ZNF114: variants seen among roughly 807,000 people sequenced by gnomAD.
The protein encoded by ZNF114 is zinc finger protein 114 (Y18).
ZNF114 carries 8 observed loss-of-function variants against 6.8 expected under a neutral mutation model. The ratio of observed to expected loss-of-function variants is 1.18; its 90% CI spans 0.69 to 2.13. The LOEUF (loss-of-function observed/expected upper bound fraction) is 2.13. ZNF114 is among the 30% of genes most tolerant of loss of function. The pLI is 0.00. For missense variants in ZNF114, 472 were observed against 519.5 expected (o/e 0.91, Z 0.89); for synonymous variants, 169 against 185.5 (o/e 0.91, Z 0.72).
chr19:48,275,326 C>G (rs1967799044), intron 3 of ZNF114, among the ~76,000 whole-genome samples: 1 of 151,556 alleles, frequency 6.6e-6, no homozygotes, highest in Non-Finnish European at 1.5e-5. Context: ...TGGCTTTAAT[C>G]CCAGCACTTT....
intron 3 of ZNF114, among the ~76,000 whole-genome samples, chr19:48,272,621 C>CTTTTTTTTTTTTTTTTG (rs1568989041): frequency 1.6e-5 from 2 of 124,836 alleles, no homozygotes; most frequent in African/African-American, 6.4e-5. Flanking sequence ...TTGCAGTGAG[C>CTTTTTTTTTTTTTTTTG]CGAGATCGTG....
chr19:48,285,075 G>C lies in ZNF114; in HGVS notation c.137-686G>C, dbSNP rs76246959. On this transcript the variant is annotated intron_variant, in intron 5 of 5. Transcript: ENST00000595607. Reference sequence around the variant, plus strand: ...TCAGTAACATGACACTCTCCATGTTGAACCCCTGACCTTACCGTCATCACA... The same window carrying C: ...TCAGTAACATGACACTCTCCATGTTCAACCCCTGACCTTACCGTCATCACA... Among the ~76,000 whole-genome samples, 15 of 152,288 alleles carry C rather than the reference G, an allele frequency of 9.8e-5. No individual in the cohort carries two copies. The East Asian group carries it at 2.7e-3, about 27-fold the overall frequency.
At chr19:48,284,784 C>A (rs966668818) in intron 5 of ZNF114, among the ~76,000 whole-genome samples, 1 of 152,108 alleles carries the variant, frequency 6.6e-6, no homozygotes, top group African/African-American at 2.4e-5. Context: ...TTTTTCCCTG[C>A]TAAAGGCCTG....
chr19:48,286,261 G>A lies in ZNF114; in HGVS notation c.637G>A (p.Glu213Lys). ...SQNTVHHIRD[E>K]IDTGANRHQR... ...GAACACTGTGCATCATATACGTGATGAAATTGATACGGGGGCCAACAGGCA... is the reference window on the plus strand; with the variant it reads ...GAACACTGTGCATCATATACGTGATAAAATTGATACGGGGGCCAACAGGCA... The change falls in exon 6 of 6, where the codon GAA (glutamate) becomes AAA (lysine). Residue 213 changes from glutamate (E) to lysine (K), a missense_variant. By Grantham distance (56) the Glu-to-Lys change is moderately conservative. Coordinates refer to ENST00000595607, the MANE Select transcript of ZNF114 (RefSeq NM_153608.4). 6.2e-7 allele frequency: 1 copy of A among 1,614,188 alleles called. No homozygotes were observed. The highest frequency in any genetic ancestry group is 8.5e-7 in the Non-Finnish European group (1 of 1,180,044).
chr19:48,274,878 C>G (rs900898850), intron 3 of ZNF114, among the ~76,000 whole-genome samples: 1 of 152,128 alleles, frequency 6.6e-6, no homozygotes, highest in Non-Finnish European at 1.5e-5. Flanking sequence ...CACCCTCGAA[C>G]TTGCCTCCCT....
At chr19:48,271,898 CT>C (rs1340025014) in intron 3 of ZNF114, 70 bp downstream of exon 3, 2 of 152,292 alleles carry the variant, frequency 1.3e-5, no homozygotes, top group Non-Finnish European at 2.9e-5. Flanking sequence ...GAGTTGCTGT[CT>C]GCAAAAGCCT....
chr19:48,272,673 CAAA>C (rs57823987), intron 3 of ZNF114, among the ~76,000 whole-genome samples: 1,067 of 39,136 alleles, frequency 0.027, 8 homozygotes, highest in Admixed American at 0.043. Flanking sequence ...GACTCTCTCT[CAAA>C]AAAAAAAAAA....
At chr19:48,273,773 TTTGAGACGGAGTCTCGCTCTGTCGC>T (rs1483627897) in intron 3 of ZNF114, among the ~76,000 whole-genome samples, 1 of 150,518 alleles carries the variant, frequency 6.6e-6, no homozygotes, top group African/African-American at 2.4e-5. Flanking sequence ...TTTTTTTTTT[TTTGAGACGGAGTCTCGCTCTGTCGC>T]CCAGGCTGGA....
At chr19:48,285,034 T>G (rs1188675487) in intron 5 of ZNF114, among the ~76,000 whole-genome samples, 1 of 152,196 alleles carries the variant, frequency 6.6e-6, no homozygotes, top group Non-Finnish European at 1.5e-5. Context: ...TTCCTTGATC[T>G]CTGCAGAACT....
intron 3 of ZNF114, among the ~76,000 whole-genome samples, chr19:48,275,747 C>T (rs140000012): frequency 0.015 from 2,350 of 152,168 alleles, 56 homozygotes; most frequent in African/African-American, 0.053. Context: ...GTAATCCCAG[C>T]CCTTTGGGAG....
Position 48,285,910 on chromosome 19 carries a change from G to C in ZNF114, c.286G>C (p.Glu96Gln). 6.2e-7 allele frequency: 1 copy of C among 1,614,138 alleles called. No individual in the cohort carries two copies. The change falls in exon 6 of 6, where the codon GAG becomes CAG. Residue 96 changes from glutamate to glutamine, a missense_variant. Coordinates refer to ENST00000595607, the MANE Select transcript of ZNF114 (RefSeq NM_153608.4). ...LREDWRCPKT[E>Q]EPHRQGVNNV... ...AGAAGACTGGAGATGCCCCAAAACAGAGGAACCACACAGGCAGGGGGTGAA... is the reference window on the plus strand; with the variant it reads ...AGAAGACTGGAGATGCCCCAAAACACAGGAACCACACAGGCAGGGGGTGAA...
chr19:48,285,545 A>AAGGAAGGAAGGAAGGAAGG (rs771607107), intron 5 of ZNF114, among the ~76,000 whole-genome samples: 1,799 of 150,012 alleles, frequency 0.012, 24 homozygotes, highest in Middle Eastern at 0.12. Context: ...GAGAGGAAAG[A>AAGGAAGGAAGGAAGGAAGG]AGGAAGGAAG....
chr19:48,270,466 G>T (rs1967623958), intron 1 of ZNF114, among the ~76,000 whole-genome samples: 1 of 131,976 alleles, frequency 7.6e-6, no homozygotes, highest in Non-Finnish European at 1.6e-5. Flanking sequence ...GGGAGGGGCA[G>T]AGAGGGAGAG....
At chr19:48,285,524 C>CGAGA (rs35022147) in intron 5 of ZNF114, among the ~76,000 whole-genome samples, 30 of 118,192 alleles carry the variant, frequency 2.5e-4, no homozygotes, top group African/African-American at 9.3e-4. Flanking sequence ...ACAGAGAGAA[C>CGAGA]GAGAGAGAGA....
At chr19:48,277,834 T>TGTGTGTG in intron 3 of ZNF114, among the ~76,000 whole-genome samples, 22 of 149,764 alleles carry the variant, frequency 1.5e-4, no homozygotes, top group Middle Eastern at 3.4e-3. Flanking sequence ...TGTGTGTGTG[T>TGTGTGTG]TCGTGACGAT....
In ZNF114 at chr19:48,286,368, TG is replaced by T. The variant is rs759021516; in HGVS notation, c.745del (p.Asp249IlefsTer72). Reference protein sequence around the residue: ...HNTHGREKMYDFTQCENTSRN... With the variant: ...HNTHGREKMYXFTQCENTSRN... ...ACACTCATGGTCGAGAGAAAATGTATGATTTTACTCAGTGCGAGAACACCTC... is the reference window on the plus strand; with the variant it reads ...ACACTCATGGTCGAGAGAAAATGTATATTTTACTCAGTGCGAGAACACCTC... On this transcript the variant is annotated frameshift_variant, in exon 6 of 6. Coordinates refer to ENST00000595607, the MANE Select transcript of ZNF114 (RefSeq NM_153608.4). LOFTEE classifies it low-confidence loss of function (END_TRUNC). The T allele has an allele frequency of 1.9e-6, 3 of 1,614,212 alleles. No homozygotes were observed. Among genetic ancestry groups the T allele is most frequent in the South Asian group, 2.2e-5 (2 of 91,086 alleles).
chr19:48,278,097 G>T (rs112924788), intron 3 of ZNF114, among the ~76,000 whole-genome samples: 1 of 151,820 alleles, frequency 6.6e-6, no homozygotes, highest in Non-Finnish European at 1.5e-5. Context: ...CACCACGCCC[G>T]GTTAATTTTT....
intron 5 of ZNF114, among the ~76,000 whole-genome samples, chr19:48,284,620 G>A (rs1490333271): frequency 6.6e-6 from 1 of 151,988 alleles, no homozygotes; most frequent in Non-Finnish European, 1.5e-5. Context: ...TAGTAGAGAC[G>A]GGGCTTCACC....
At chr19:48,280,125 G>A (rs1212521254) in intron 4 of ZNF114, among the ~76,000 whole-genome samples, 2 of 152,172 alleles carry the variant, frequency 1.3e-5, no homozygotes, top group African/African-American at 2.4e-5. Flanking sequence ...GCTCAAGCCT[G>A]TAATTCCAGG....
Sources: gnomAD v4.1 joint callset for allele counts (sites outside exome capture counted in the v4.1 genomes callset) on GRCh38, gnomAD v4.1.1 for gene constraint, MANE v1.5 for transcripts, NCBI Gene and HGNC (gene_info 2026-07-23, HGNC 2026-07-21) for gene names.